SUMF1: variants seen among roughly 807,000 people sequenced by gnomAD.
The protein encoded by SUMF1 is sulfatase modifying factor 1, also known as formylglycine-generating enzyme.
Under a neutral mutation model 47.6 loss-of-function variants are expected in SUMF1, and 48 were observed. The observed-to-expected ratio is 1.01, with a 90% confidence interval of 0.80 to 1.28. The LOEUF is 1.28. Among genes scored for constraint, SUMF1 ranks in the 50% most tolerant of loss-of-function variants. SUMF1 has a pLI of 0.00. For synonymous variants in SUMF1, 230 were observed against 192.1 expected (o/e 1.20, Z -1.63); for missense variants, 571 against 485.4 (o/e 1.18, Z -1.66).
rs543997211 is a variant in SUMF1 at position 4,164,434 on chromosome 3, C to T, written c.1015-95689G>A. 5.3e-5 allele frequency among the ~76,000 whole-genome samples: 8 copies of T among 152,310 alleles called. No homozygotes were observed. The East Asian group carries it at 1.5e-3, about 29-fold the overall frequency. On this transcript the variant is annotated intron_variant and NMD_transcript_variant, in intron 8 of 12. Coordinates refer to the SUMF1 transcript ENST00000448413. Reference sequence around the variant, plus strand: ...GGATCATCCGGTTGGGGGCTTCTGGCCCAAAGAAACTTTGCCCTCTGGGGC... The same window carrying T: ...GGATCATCCGGTTGGGGGCTTCTGGTCCAAAGAAACTTTGCCCTCTGGGGC...
intron 8 of SUMF1, among the ~76,000 whole-genome samples, chr3:4,075,057 G>A (rs1347850805): frequency 6.6e-6 from 1 of 152,032 alleles, no homozygotes; most frequent in Non-Finnish European, 1.5e-5. Context: ...GGGAATTTTA[G>A]GCCAATATCC....
chr3:4,304,430 C>T (rs976859691), intron 8 of SUMF1, among the ~76,000 whole-genome samples: 1 of 152,228 alleles, frequency 6.6e-6, no homozygotes, highest in African/African-American at 2.4e-5. Flanking sequence ...GCATGAGCCA[C>T]GCTCCCAGCC....
intron 8 of SUMF1, among the ~76,000 whole-genome samples, chr3:4,258,327 C>G (rs1466701762): frequency 1.4e-5 from 2 of 146,312 alleles, no homozygotes; most frequent in African/African-American, 5.2e-5. Context: ...GAACAGGCAA[C>G]CTACAAAATG....
At chr3:4,319,130 A>G (rs1361295611) in intron 8 of SUMF1, among the ~76,000 whole-genome samples, 2 of 152,226 alleles carry the variant, frequency 1.3e-5, no homozygotes, top group Admixed American at 1.3e-4. Context: ...AAGGATGTGG[A>G]GCAACAGGAA....
At chr3:4,328,095 G>A (rs921129389) in intron 8 of SUMF1, among the ~76,000 whole-genome samples, 12 of 152,140 alleles carry the variant, frequency 7.9e-5, no homozygotes, top group African/African-American at 2.7e-4. Flanking sequence ...GCGGGTGCCT[G>A]TAGTCCAAGG....
At chr3:4,299,637 C>A (rs1374313352) in intron 8 of SUMF1, among the ~76,000 whole-genome samples, 1 of 152,060 alleles carries the variant, frequency 6.6e-6, no homozygotes, top group Non-Finnish European at 1.5e-5. Context: ...GGTGAAACCC[C>A]AGCTCTACTA....
intron 8 of SUMF1, among the ~76,000 whole-genome samples, chr3:4,133,695 A>C (rs1693847171): frequency 6.6e-6 from 1 of 152,074 alleles, no homozygotes; most frequent in Non-Finnish European, 1.5e-5. Flanking sequence ...ATCGGACTCC[A>C]ATTTCTTCAG....
intron 8 of SUMF1, among the ~76,000 whole-genome samples, chr3:4,259,481 A>G (rs558880937): frequency 5.3e-5 from 8 of 152,302 alleles, no homozygotes; most frequent in Non-Finnish European, 7.4e-5. Context: ...AATTATTTAC[A>G]TATTTCTGTC....
intron 8 of SUMF1, among the ~76,000 whole-genome samples, chr3:4,243,510 T>C (rs529881867): frequency 6.6e-6 from 1 of 152,338 alleles, no homozygotes; most frequent in South Asian, 2.1e-4. Flanking sequence ...TGCCTTCATT[T>C]CGTTATTTAC....
At chr3:4,122,088 TACC>T (rs1693558082) in intron 8 of SUMF1, among the ~76,000 whole-genome samples, 1 of 152,170 alleles carries the variant, frequency 6.6e-6, no homozygotes, top group African/African-American at 2.4e-5. Flanking sequence ...GATGTGTATG[TACC>T]ACATTTTCTT....
chr3:4,131,650 T>G (rs1693792187), intron 8 of SUMF1, among the ~76,000 whole-genome samples: 1 of 152,130 alleles, frequency 6.6e-6, no homozygotes, highest in African/African-American at 2.4e-5. Flanking sequence ...GGTCAGGGAC[T>G]TGGAAGAAAC....
chr3:4,292,630 G>C (rs1437397543), intron 8 of SUMF1, among the ~76,000 whole-genome samples: 1 of 152,190 alleles, frequency 6.6e-6, no homozygotes, highest in Non-Finnish European at 1.5e-5. Context: ...GCCAAAGCTA[G>C]AGCAGATGGC....
chr3:4,412,231 T>G (rs1701566721), intron 6 of SUMF1, among the ~76,000 whole-genome samples: 1 of 152,202 alleles, frequency 6.6e-6, no homozygotes, highest in Non-Finnish European at 1.5e-5. Flanking sequence ...TGACCTCAAC[T>G]AGTTTAATGA....
chr3:4,105,938 T>C (rs4312637), intron 8 of SUMF1, among the ~76,000 whole-genome samples: 7,146 of 152,138 alleles, frequency 0.047, 464 homozygotes, highest in East Asian at 0.16. Context: ...ATTTGGCAAC[T>C]TAAAATTTTT....
At chr3:4,165,723 A>G (rs1172148137) in intron 8 of SUMF1, among the ~76,000 whole-genome samples, 1 of 152,064 alleles carries the variant, frequency 6.6e-6, no homozygotes, top group Non-Finnish European at 1.5e-5. Flanking sequence ...GGTGCAGAAA[A>G]AAATGAGCCA....
At chr3:4,281,826 G>A (rs576833035) in intron 8 of SUMF1, among the ~76,000 whole-genome samples, 1 of 152,246 alleles carries the variant, frequency 6.6e-6, no homozygotes, top group African/African-American at 2.4e-5. Flanking sequence ...GTGGGAACAG[G>A]AGTGGAAATG....
chr3:4,260,926 T>TC (rs1697072062), intron 8 of SUMF1, among the ~76,000 whole-genome samples: 1 of 152,104 alleles, frequency 6.6e-6, no homozygotes, highest in African/African-American at 2.4e-5. Flanking sequence ...CCTGCAGACC[T>TC]CCCAGGAAGC....
intron 9 of SUMF1, among the ~76,000 whole-genome samples, chr3:4,055,908 T>C (rs553500364): frequency 2.6e-5 from 4 of 152,210 alleles, no homozygotes; most frequent in Non-Finnish European, 5.9e-5. Context: ...CCTTTCCAGC[T>C]TCTAGCCACA....
intron 8 of SUMF1, chr3:4,317,361 G>T: frequency 1.4e-6 from 1 of 735,742 alleles, no homozygotes; most frequent in South Asian, 1.9e-5. Flanking sequence ...AATTGCATTT[G>T]AAGTAGATTC....
Sources: allele counts gnomAD v4.1 joint callset (sites outside exome capture counted in the v4.1 genomes callset), GRCh38; gene constraint gnomAD v4.1.1; transcripts MANE v1.5; gene names NCBI Gene and HGNC (gene_info 2026-07-23, HGNC 2026-07-21).